MCU: variants seen among roughly 807,000 people sequenced by gnomAD.
MCU encodes the protein mitochondrial calcium uniporter.
In MCU, 12 loss-of-function variants were observed where a neutral mutation model predicts 45.2. That is an observed-to-expected ratio of 0.27 (90% confidence interval 0.17 to 0.43). MCU has a LOEUF of 0.43. Ranked by LOEUF, MCU falls within the 20% of genes least tolerant of loss-of-function variation. MCU has a pLI of 1.00. For missense variants in MCU, 324 were observed against 436.7 expected (o/e 0.74, Z 2.30); for synonymous variants, 160 against 165.1 (o/e 0.97, Z 0.24).
At chr10:72,818,693 T>C (rs1844662408) in intron 1 of MCU, among the ~76,000 whole-genome samples, 1 of 151,964 alleles carries the variant, frequency 6.6e-6, no homozygotes, top group Admixed American at 6.6e-5. Context: ...ATACAAAAAT[T>C]AGCCGGGCGT....
chr10:72,762,443 A>G (rs1240407603), intron 1 of MCU, among the ~76,000 whole-genome samples: 2 of 151,356 alleles, frequency 1.3e-5, no homozygotes, highest in South Asian at 2.1e-4. Flanking sequence ...TTTTTTTTTT[A>G]AACTACATAC....
chr10:72,808,605 C>G (rs984740096), intron 1 of MCU, among the ~76,000 whole-genome samples: 1 of 152,116 alleles, frequency 6.6e-6, no homozygotes, highest in Non-Finnish European at 1.5e-5. Flanking sequence ...CGCATTAATC[C>G]GTTCTCACAT....
intron 2 of MCU, among the ~76,000 whole-genome samples, chr10:72,853,965 C>G (rs1040265057): frequency 6.6e-6 from 1 of 152,122 alleles, no homozygotes; most frequent in Non-Finnish European, 1.5e-5. Context: ...GAAACCCTAT[C>G]TCTACTAAAA....
chr10:72,741,025 CA>C (rs1387059050), intron 1 of MCU, among the ~76,000 whole-genome samples: 3 of 151,214 alleles, frequency 2.0e-5, no homozygotes, highest in Non-Finnish European at 2.9e-5. Flanking sequence ...ACACAATTAA[CA>C]ATCTTTTTTT....
At chr10:72,824,950 C>T (rs911299692) in intron 1 of MCU, among the ~76,000 whole-genome samples, 23 of 152,080 alleles carry the variant, frequency 1.5e-4, no homozygotes, top group African/African-American at 4.8e-4. Flanking sequence ...GCATTTCTTT[C>T]CCCCTTTTTA....
chr10:72,806,882 A>G (rs1323906252), intron 1 of MCU, among the ~76,000 whole-genome samples: 1 of 152,248 alleles, frequency 6.6e-6, no homozygotes, highest in East Asian at 1.9e-4. Flanking sequence ...TGAGGCCAGA[A>G]GCAAGCTTGG....
At chr10:72,855,950 T>C (rs945387273) in intron 2 of MCU, among the ~76,000 whole-genome samples, 1 of 152,150 alleles carries the variant, frequency 6.6e-6, no homozygotes, top group African/African-American at 2.4e-5. Context: ...CAAATAATCA[T>C]AAAAGCTTTA....
intron 1 of MCU, among the ~76,000 whole-genome samples, chr10:72,710,543 GTTTTTT>G (rs555887994): frequency 2.4e-5 from 2 of 84,288 alleles, no homozygotes; most frequent in South Asian, 4.5e-4. Context: ...ATCACCTAAG[GTTTTTT>G]TTTTTTTTTT....
At chr10:72,821,361 T>C (rs941878975) in intron 1 of MCU, among the ~76,000 whole-genome samples, 2 of 152,212 alleles carry the variant, frequency 1.3e-5, no homozygotes, top group Admixed American at 1.3e-4. Flanking sequence ...CATCTGGTGT[T>C]TAAATAGTAT....
chr10:72,713,461 G>GTAGA (rs1038447888), intron 1 of MCU, among the ~76,000 whole-genome samples: 4 of 152,148 alleles, frequency 2.6e-5, no homozygotes, highest in African/African-American at 9.7e-5. Context: ...AGTATTTTTA[G>GTAGA]TAGAGATGGG....
chr10:72,789,374 T>A (rs954661255), intron 1 of MCU, among the ~76,000 whole-genome samples: 4 of 152,188 alleles, frequency 2.6e-5, no homozygotes, highest in Non-Finnish European at 5.9e-5. Flanking sequence ...TACATATTAA[T>A]TATAATATAA....
chr10:72,807,574 G>A (rs1245218971), intron 1 of MCU, among the ~76,000 whole-genome samples: 4 of 152,084 alleles, frequency 2.6e-5, no homozygotes, highest in Non-Finnish European at 2.9e-5. Context: ...TAAATAGTTC[G>A]TTGGAACAGT....
At chr10:72,797,431 G>A (rs528540469) in intron 1 of MCU, among the ~76,000 whole-genome samples, 1 of 151,334 alleles carries the variant, frequency 6.6e-6, no homozygotes, top group South Asian at 2.1e-4. Context: ...TCATCATGTT[G>A]GCCAGACTGG....
At chr10:72,717,127 C>CTTTTTTT (rs71021527) in intron 1 of MCU, among the ~76,000 whole-genome samples, 6 of 138,398 alleles carry the variant, frequency 4.3e-5, no homozygotes, top group African/African-American at 1.6e-4. Flanking sequence ...CTCTCTCTCT[C>CTTTTTTT]TTTTTTTTTT....
intron 1 of MCU, among the ~76,000 whole-genome samples, chr10:72,833,457 C>T (rs965379258): frequency 3.3e-5 from 5 of 152,144 alleles, no homozygotes; most frequent in Admixed American, 6.5e-5. Context: ...TCCATCAGCA[C>T]AAAGAAAAAT....
chr10:72,734,829 G>A (rs1413441978), intron 1 of MCU, among the ~76,000 whole-genome samples: 1 of 151,940 alleles, frequency 6.6e-6, no homozygotes, highest in Admixed American at 6.6e-5. Flanking sequence ...TGTTGCCCAG[G>A]CTAGTCTTGA....
intron 1 of MCU, chr10:72,715,185 C>T (rs1842942857): frequency 1.0e-6 from 1 of 985,270 alleles, no homozygotes; most frequent in African/African-American, 1.7e-5. Flanking sequence ...ATGCCAGTGA[C>T]ATCTTAGCTG....
At chr10:72,700,058 ATTTTTTTTT>A (rs71021525) in intron 1 of MCU, among the ~76,000 whole-genome samples, 6 of 135,390 alleles carry the variant, frequency 4.4e-5, no homozygotes, top group Middle Eastern at 8.1e-3. Context: ...TTGGGGTCAA[ATTTTTTTTT>A]TTTTTTTTTG....
chr10:72,830,889 A>T (rs1421537124), intron 1 of MCU, among the ~76,000 whole-genome samples: 4 of 152,190 alleles, frequency 2.6e-5, no homozygotes, highest in Non-Finnish European at 5.9e-5. Context: ...CCGACCTCAG[A>T]CTTCTCCAAA....
Sources: gnomAD v4.1 joint callset for allele counts (sites outside exome capture counted in the v4.1 genomes callset) on GRCh38, gnomAD v4.1.1 for gene constraint, MANE v1.5 for transcripts, NCBI Gene and HGNC (gene_info 2026-07-23, HGNC 2026-07-21) for gene names.